Variants in ZNF385D observed in about 807,000 individuals in gnomAD.
The protein encoded by ZNF385D is zinc finger protein 659.
A neutral mutation model predicts 35.8 loss-of-function variants in ZNF385D; 15 were observed. The observed-to-expected ratio is 0.42, with a 90% CI of 0.28 to 0.64. The LOEUF is 0.64. Among genes scored for constraint, ZNF385D ranks in the 30% least tolerant of loss-of-function variants. ZNF385D has a pLI of 0.23. For missense variants in ZNF385D, 474 were observed against 494.6 expected, an observed-to-expected ratio of 0.96 and a Z score of 0.39; for synonymous variants, 212 against 186.8, an observed-to-expected ratio of 1.13 and a Z score of -1.10.
intron 3 of ZNF385D, among the ~76,000 whole-genome samples, chr3:22,071,907 A>G (rs942487186): frequency 1.3e-5 from 2 of 152,088 alleles, no homozygotes; most frequent in East Asian, 1.9e-4. Flanking sequence ...ACGTAAATCA[A>G]AGATTATTAA....
chr3:22,117,730 A>C, intron 3 of ZNF385D, among the ~76,000 whole-genome samples: 1 of 152,066 alleles, frequency 6.6e-6, no homozygotes, highest in African/African-American at 2.4e-5. Context: ...ATAATGATTA[A>C]AAAGTATTTA....
chr3:21,675,908 G>A (rs1367701838), intron 1 of ZNF385D, among the ~76,000 whole-genome samples: 2 of 152,016 alleles, frequency 1.3e-5, no homozygotes, highest in Admixed American at 1.3e-4. Context: ...TAGAAACTAA[G>A]TTTGCATTCA....
intron 3 of ZNF385D, among the ~76,000 whole-genome samples, chr3:21,884,563 A>G (rs868241137): frequency 2.0e-5 from 3 of 152,072 alleles, no homozygotes; most frequent in African/African-American, 4.8e-5. Context: ...CACAGCCAAC[A>G]TTAAAAAATT....
intron 2 of ZNF385D, among the ~76,000 whole-genome samples, chr3:22,229,992 T>C (rs1336084893): frequency 6.6e-6 from 1 of 152,150 alleles, no homozygotes; most frequent in African/African-American, 2.4e-5. Context: ...CTGCAGAAAG[T>C]AGAAATCTAA....
intron 3 of ZNF385D, among the ~76,000 whole-genome samples, chr3:22,031,877 A>G (rs1469025313): frequency 2.0e-5 from 3 of 152,238 alleles, no homozygotes. Context: ...GTGAACACAT[A>G]TAAATAAACA....
At chr3:22,032,041 A>G (rs1698033581) in intron 3 of ZNF385D, among the ~76,000 whole-genome samples, 1 of 152,220 alleles carries the variant, frequency 6.6e-6, no homozygotes, top group African/African-American at 2.4e-5. Context: ...GCATAGCAAG[A>G]GTGACCTTTG....
intron 3 of ZNF385D, among the ~76,000 whole-genome samples, chr3:21,950,493 C>G (rs1386649926): frequency 6.6e-6 from 1 of 151,722 alleles, no homozygotes; most frequent in Non-Finnish European, 1.5e-5. Context: ...TTCTCCCATT[C>G]TGTAGGTTGC....
intron 3 of ZNF385D, among the ~76,000 whole-genome samples, chr3:21,944,740 G>A (rs1442345709): frequency 7.2e-6 from 1 of 138,594 alleles, no homozygotes; most frequent in Non-Finnish European, 1.5e-5. Context: ...GATGAGAGAG[G>A]AGAAAAAAAT....
At chr3:21,928,564 G>T (rs1450810792) in intron 3 of ZNF385D, among the ~76,000 whole-genome samples, 1 of 152,086 alleles carries the variant, frequency 6.6e-6, no homozygotes, top group East Asian at 1.9e-4. Flanking sequence ...TTCATAATTT[G>T]TTATTTGAAA....
At chr3:21,733,700 T>C (rs539188054) in intron 1 of ZNF385D, among the ~76,000 whole-genome samples, 2 of 152,290 alleles carry the variant, frequency 1.3e-5, no homozygotes, top group Non-Finnish European at 2.9e-5. Context: ...CTTGCTTTCT[T>C]CTATGTATTT....
intron 2 of ZNF385D, among the ~76,000 whole-genome samples, chr3:22,183,134 A>G (rs918970100): frequency 6.6e-6 from 1 of 152,196 alleles, no homozygotes; most frequent in Non-Finnish European, 1.5e-5. Flanking sequence ...TCTATTAATG[A>G]AAGAAAAATA....
intron 2 of ZNF385D, among the ~76,000 whole-genome samples, chr3:22,294,315 T>C (rs1575058649): frequency 6.6e-6 from 1 of 152,074 alleles, no homozygotes; most frequent in Non-Finnish European, 1.5e-5. Flanking sequence ...TTTGTACAAC[T>C]TCCCTCCTTA....
intron 3 of ZNF385D, among the ~76,000 whole-genome samples, chr3:22,110,662 C>T (rs1361126304): frequency 2.6e-5 from 4 of 151,542 alleles, no homozygotes; most frequent in African/African-American, 4.8e-5. Flanking sequence ...TGGGGAGGGA[C>T]AGCATTTGGA....
At chr3:21,987,876 T>G (rs1336173904) in intron 3 of ZNF385D, among the ~76,000 whole-genome samples, 1 of 140,526 alleles carries the variant, frequency 7.1e-6, no homozygotes. Flanking sequence ...TTCTTTTTAT[T>G]CTTTTTTCTC....
intron 2 of ZNF385D, among the ~76,000 whole-genome samples, chr3:22,304,563 C>T (rs980329312): frequency 5.9e-5 from 9 of 152,088 alleles, no homozygotes; most frequent in African/African-American, 2.2e-4. Flanking sequence ...TTTTTAATAT[C>T]TTCTATGGTT....
Position 22,038,222 on chromosome 3 carries a change from T to C in ZNF385D, c.325+130595A>G, listed in dbSNP as rs113195911. Among the ~76,000 whole-genome samples, 348 of 152,274 alleles carry C rather than the reference T, an allele frequency of 2.3e-3. 2 individuals carry two copies. Among genetic ancestry groups the C allele is most frequent in the African/African-American group, 7.8e-3 (323 of 41,574 alleles). On this transcript the variant is annotated intron_variant, in intron 3 of 5. Coordinates refer to the ZNF385D transcript ENST00000494108. ...ATGACACATGAAGGAGTTTTCTTGA[T>C]TGAAATTATAAAACATTCAAGAAAG...
At chr3:21,789,569 G>A (rs865953102) in intron 3 of ZNF385D, among the ~76,000 whole-genome samples, 90 of 152,100 alleles carry the variant, frequency 5.9e-4, no homozygotes, top group African/African-American at 1.8e-3. Context: ...TTAATAAAAA[G>A]CAAAAACCTT....
intron 3 of ZNF385D, among the ~76,000 whole-genome samples, chr3:22,026,102 T>C (rs984029270): frequency 1.1e-4 from 16 of 152,074 alleles, no homozygotes; most frequent in Non-Finnish European, 1.6e-4. Flanking sequence ...TTGACATTGA[T>C]AGGAAGTGAA....
At chr3:21,495,581 C>T (rs185732292) in intron 4 of ZNF385D, among the ~76,000 whole-genome samples, 4 of 152,092 alleles carry the variant, frequency 2.6e-5, no homozygotes, top group African/African-American at 4.8e-5. Context: ...GCACTAAAGG[C>T]CCACATTGAA....
Sources: allele counts gnomAD v4.1 joint callset (sites outside exome capture counted in the v4.1 genomes callset), GRCh38; gene constraint gnomAD v4.1.1; transcripts MANE v1.5; gene names NCBI Gene and HGNC (gene_info 2026-07-23, HGNC 2026-07-21).